Variants in AHCTF1 observed in about 807,000 individuals in gnomAD.
AHCTF1 encodes AT-hook containing transcription factor 1, also known as protein ELYS.
AHCTF1 carries 24 observed loss-of-function variants against 248.4 expected under a neutral mutation model. That is an observed-to-expected ratio of 0.10 (90% confidence interval 0.07 to 0.14). The LOEUF (loss-of-function observed/expected upper bound fraction) is 0.14. AHCTF1 is among the 10% of genes least tolerant of loss of function. AHCTF1 has a pLI of 1.00. For missense variants in AHCTF1, 2,206 were observed against 2,636.2 expected (o/e 0.84, Z 3.57); for synonymous variants, 786 against 929.8 (o/e 0.85, Z 2.81).
At position 246,850,262 on chromosome 1, in the gene AHCTF1, T is replaced by C. The variant is rs957119331; in HGVS notation, c.5744A>G (p.Glu1915Gly). The change falls in exon 33 of 36, where the codon GAA (glutamate) becomes GGA (glycine). Residue 1915 changes from glutamate to glycine, a missense_variant. Physicochemically the swap from Glu to Gly is moderately conservative, Grantham distance 98. Around this residue, in one of 6 missense-constraint regions of AHCTF1, gnomAD observed 469 missense variants for 470.0 expected, o/e 1.00. Transcript: ENST00000648844. ...ATCATCTTGCTTATTTCCTGTATTT[T>C]CAGAAGCATCTAAATTAGTACTTCT... ...KLRSTNLDAS[E>G]NTGNKQDDKS... 6.2e-7 allele frequency: 1 copy of C among 1,613,982 alleles called. No homozygotes were observed. The highest frequency in any genetic ancestry group is 8.5e-7 in the Non-Finnish European group (1 of 1,179,864).
rs964952485 is a variant in AHCTF1 at position 246,867,256 on chromosome 1, T to C, written c.3335A>G (p.Gln1112Arg). ...FFGTPISKAS[Q>R]KISRLLDLVV... ...AATAAACTCTTACCTAGAAATTTTT[T>C]GTGATGCTTTTGAAATTGGTGTTCC... The change falls in exon 26 of 36, where the codon CAA becomes CGA. Residue 1112 changes from glutamine to arginine, a missense_variant. Gln to Arg is a conservative substitution (Grantham distance 43). This residue lies in a region of AHCTF1 where 955 missense variants were observed against 1,055.6 expected (regional missense o/e 0.90). Transcript: ENST00000648844. 8 of 1,591,288 alleles carry C rather than the reference T, an allele frequency of 5.0e-6. No homozygotes were observed. In the African/African-American group the frequency reaches 1.1e-4, roughly 21 times the overall value.
At chr1:246,898,014 C>T (rs1365924168) in intron 12 of AHCTF1, among the ~76,000 whole-genome samples, 194 bp downstream of exon 12, 1 of 152,190 alleles carries the variant, frequency 6.6e-6, no homozygotes, top group Non-Finnish European at 1.5e-5. Context: ...CAACCTGCTG[C>T]CAAGTTATGG....
rs1210607132 is a variant in AHCTF1, at chr1:246,850,798, G to A, written c.5208C>T (p.Ser1736=). 6.8e-6 allele frequency: 11 copies of A among 1,613,772 alleles called. No individual in the cohort carries two copies. In the South Asian group the frequency reaches 1.1e-4, roughly 16 times the overall value. ...MNVSQVDDVV[S]SKTRTRGQRI... ...GTTGACCTCTCGTACGAGTTTTGGA[G>A]GAAACCACGTCATCAACCTGGCTGA... The change falls in exon 33 of 36, where the codon TCC becomes TCT. Residue 1736 remains serine (S), a synonymous_variant. Coordinates refer to ENST00000648844, the MANE Select transcript of AHCTF1 (RefSeq NM_001323342.2).
At chr1:246,857,848 C>T (rs367848739) in intron 29 of AHCTF1, 34 bp from the exon 30 acceptor site, 6 of 1,548,312 alleles carry the variant, frequency 3.9e-6, no homozygotes, top group Non-Finnish European at 3.5e-6. Flanking sequence ...ATTATTTATG[C>T]TAAATATTTA....
chr1:246,876,873 C>T, intron 23 of AHCTF1, 77 bp downstream of exon 23: 1 of 1,534,224 alleles, frequency 6.5e-7, no homozygotes, highest in Admixed American at 1.9e-5. Context: ...AAACTGTAAG[C>T]TCTTATATAA....
chr1:246,890,098 C>A, intron 16 of AHCTF1, 39 bp from the exon 17 acceptor site: 1 of 1,354,760 alleles, frequency 7.4e-7, no homozygotes, highest in African/African-American at 1.4e-5. Context: ...TGGTAATAAT[C>A]CCCAAATATC....
At chr1:246,899,634 T>C (rs1008604868) in intron 10 of AHCTF1, 122 bp from the exon 11 acceptor site, 6 of 642,534 alleles carry the variant, frequency 9.3e-6, no homozygotes, top group African/African-American at 1.9e-5. Flanking sequence ...AATAAATCTT[T>C]AAATAAACTT....
intron 30 of AHCTF1, among the ~76,000 whole-genome samples, chr1:246,856,603 C>T (rs1055495280): frequency 6.6e-6 from 1 of 152,122 alleles, no homozygotes; most frequent in South Asian, 2.1e-4. Flanking sequence ...CCTTCTCATG[C>T]GACTGCTCTT....
intron 3 of AHCTF1, 33 bp downstream of exon 3, chr1:246,916,109 G>A (rs1455323273): frequency 6.3e-7 from 1 of 1,589,480 alleles, no homozygotes; most frequent in African/African-American, 1.3e-5. Flanking sequence ...AGTTTTGAAA[G>A]AGAAATGTCC....
At chr1:246,893,505 C>A (rs187323713) in intron 14 of AHCTF1, among the ~76,000 whole-genome samples, 1 of 152,292 alleles carries the variant, frequency 6.6e-6, no homozygotes, top group Admixed American at 6.5e-5. Flanking sequence ...GCAACTGTAT[C>A]CCTACTAGTA....
chr1:246,897,419 T>C (rs1664661258), intron 12 of AHCTF1, among the ~76,000 whole-genome samples: 1 of 152,184 alleles, frequency 6.6e-6, no homozygotes, highest in South Asian at 2.1e-4. Flanking sequence ...TATACAAAAA[T>C]GAATTGCATT....
intron 26 of AHCTF1, among the ~76,000 whole-genome samples, chr1:246,866,498 TAA>T (rs10558940): frequency 0.65 from 98,976 of 151,828 alleles, 34,539 homozygotes; most frequent in African/African-American, 0.91. Flanking sequence ...ATATGTCCAT[TAA>T]ACTACACTCT....
chr1:246,902,474 T>A, intron 8 of AHCTF1, 51 bp downstream of exon 8: 1 of 1,562,146 alleles, frequency 6.4e-7, no homozygotes, highest in Non-Finnish European at 8.7e-7. Flanking sequence ...ACACCTGTCA[T>A]AAATTTTAAA....
intron 33 of AHCTF1, among the ~76,000 whole-genome samples, chr1:246,845,569 C>CTT (rs1660199431): frequency 6.6e-6 from 1 of 152,192 alleles, no homozygotes. Context: ...ATTTATTTCA[C>CTT]TTTTCGTAAT....
At chr1:246,888,113 ACTACT>A in intron 19 of AHCTF1, 59 bp downstream of exon 19, 1 of 1,552,812 alleles carries the variant, frequency 6.4e-7, no homozygotes, top group Non-Finnish European at 8.8e-7. Flanking sequence ...TCAGGTTTCC[ACTACT>A]CTTGAAATTT....
intron 13 of AHCTF1, among the ~76,000 whole-genome samples, 184 bp from the exon 14 acceptor site, chr1:246,894,932 T>C (rs1002742774): frequency 2.6e-5 from 4 of 151,856 alleles, no homozygotes; most frequent in African/African-American, 7.3e-5. Flanking sequence ...TTTCAGGTAA[T>C]GCTGCCGCCA....
At position 246,923,176 on chromosome 1, in the gene AHCTF1, A is replaced by C. The variant is rs189379174; in HGVS notation, c.-7-4799T>G. On this transcript the variant is annotated intron_variant, in intron 1 of 35. Transcript: ENST00000648844. ...ATGCCTGTAATCCCAGCACTTTGGGAGGCCGAGGTGGGCAGATCACCTGAG... is the reference window on the plus strand; with the variant it reads ...ATGCCTGTAATCCCAGCACTTTGGGCGGCCGAGGTGGGCAGATCACCTGAG... Among the ~76,000 whole-genome samples, 905 of 149,806 alleles carry C rather than the reference A, an allele frequency of 6.0e-3. 2 individuals carry two copies. Among genetic ancestry groups the C allele is most frequent in the African/African-American group, 0.02 (836 of 40,878 alleles).
At chr1:246,926,038 C>T (rs1002855115) in intron 1 of AHCTF1, among the ~76,000 whole-genome samples, 22 of 138,988 alleles carry the variant, frequency 1.6e-4, no homozygotes, top group African/African-American at 5.6e-4. Context: ...ACAGTGAGAC[C>T]CTGTCTTTAA....
At chr1:246,927,177 C>CA (rs1197219820) in intron 1 of AHCTF1, among the ~76,000 whole-genome samples, 138 of 120,312 alleles carry the variant, frequency 1.1e-3, no homozygotes, top group East Asian at 1.4e-3. Flanking sequence ...GACTCTGTCT[C>CA]AAAAAAAAAA....
Sources: gnomAD v4.1 joint callset for allele counts (sites outside exome capture counted in the v4.1 genomes callset) on GRCh38, gnomAD v4.1.1 for gene constraint, gnomAD v4.1.1 regional missense constraint, MANE v1.5 for transcripts, NCBI Gene and HGNC (gene_info 2026-07-23, HGNC 2026-07-21) for gene names.